SLC6A6: variants seen among roughly 807,000 people sequenced by gnomAD.
SLC6A6 encodes sodium- and chloride-dependent taurine transporter.
A neutral mutation model predicts 68.8 loss-of-function variants in SLC6A6; 16 were observed. The ratio of observed to expected loss-of-function variants is 0.23; its 90% CI spans 0.16 to 0.35. The LOEUF (loss-of-function observed/expected upper bound fraction) is 0.35. SLC6A6 is among the 10% of genes least tolerant of loss of function. The pLI is 1.00. For synonymous variants in SLC6A6, 312 were observed against 315.4 expected (o/e 0.99, Z 0.12); for missense variants, 474 against 802.8 (o/e 0.59, Z 4.95).
At chr3:14,478,973 G>T in intron 12 of SLC6A6, 112 bp from the exon 13 acceptor site, 2 of 700,794 alleles carry the variant, frequency 2.9e-6, no homozygotes, top group South Asian at 3.2e-5. Flanking sequence ...GTATATCCAT[G>T]GTGTGGAGAT....
At chr3:14,417,166 A>G (rs1699379544) in intron 2 of SLC6A6, among the ~76,000 whole-genome samples, 1 of 152,124 alleles carries the variant, frequency 6.6e-6, no homozygotes, top group Non-Finnish European at 1.5e-5. Context: ...GCCCCATCTC[A>G]GCAAAAATTA....
At chr3:14,415,179 T>C (rs973828858) in intron 1 of SLC6A6, among the ~76,000 whole-genome samples, 4 of 152,354 alleles carry the variant, frequency 2.6e-5, no homozygotes, top group African/African-American at 9.6e-5. Context: ...GAGCTTCATG[T>C]GCCCAGTGCA....
chr3:14,447,231 T>C (rs1700144036), intron 4 of SLC6A6, among the ~76,000 whole-genome samples: 1 of 150,690 alleles, frequency 6.6e-6, no homozygotes, highest in Non-Finnish European at 1.5e-5. Context: ...TATCCATCCA[T>C]CCATCCATCC....
intron 4 of SLC6A6, among the ~76,000 whole-genome samples, chr3:14,447,260 CCATCCAAA>C (rs1324363272): frequency 6.6e-5 from 10 of 152,040 alleles, no homozygotes; most frequent in Admixed American, 2.0e-4. Context: ...ATCCATCCAT[CCATCCAAA>C]CATCCAACCA....
Position 14,472,053 on chromosome 3 carries a change from G to T in SLC6A6, c.1097-152G>T. The T allele has an allele frequency of 1.6e-6, 1 of 614,118 alleles. No individual in the cohort carries two copies. Among genetic ancestry groups the T allele is most frequent in the Non-Finnish European group, 2.9e-6 (1 of 340,420 alleles). 38.0% of individuals were successfully genotyped at this position (614,118 alleles called of 1,614,324 possible). A position where few individuals can be genotyped will look rare whatever the true frequency, so the allele number is the denominator to read the frequency against. On this transcript the variant is annotated intron_variant, in intron 9 of 14. Transcript: ENST00000622186. This position sits in a 1 kb window ranked among gnomAD's most constrained non-coding sequence, Gnocchi z 4.5. The stretch of plus-strand genomic sequence containing the variant: ...CCCAGCGTGTCCCACCCAAAGGCGA[G>T]ACAGGCCTGGTCTCTTTCCCCAGGC...
chr3:14,477,907 G>A lies in SLC6A6; in HGVS notation c.1348-559G>A, dbSNP rs1034729709. ...AAGGGAACGGGAACGTCTAAGACGTGTCTAGCAAGAGGCAAGCCAGATGAG... is the reference window on the plus strand; with the variant it reads ...AAGGGAACGGGAACGTCTAAGACGTATCTAGCAAGAGGCAAGCCAGATGAG... On this transcript the variant is annotated intron_variant, in intron 11 of 14. Coordinates refer to ENST00000622186, the MANE Select transcript of SLC6A6 (RefSeq NM_003043.6). This position sits in a 1 kb window ranked among gnomAD's most constrained non-coding sequence, Gnocchi z 4.2. Among the ~76,000 whole-genome samples the A allele has an allele frequency of 2.0e-5, 3 of 152,148 alleles. No individual in the cohort carries two copies. The highest frequency in any genetic ancestry group is 4.4e-5 in the Non-Finnish European group (3 of 68,026).
intron 6 of SLC6A6, among the ~76,000 whole-genome samples, chr3:14,463,013 C>T (rs1030489417): frequency 3.9e-5 from 6 of 152,162 alleles, no homozygotes; most frequent in African/African-American, 1.2e-4. Context: ...GAAAGCAGGC[C>T]GGTTTTGTGC....
intron 1 of SLC6A6, among the ~76,000 whole-genome samples, chr3:14,408,028 A>G (rs1476219156): frequency 6.6e-6 from 1 of 151,818 alleles, no homozygotes; most frequent in Non-Finnish European, 1.5e-5. Flanking sequence ...GTTGATGGAC[A>G]TTTGGGTTGT....
intron 1 of SLC6A6, among the ~76,000 whole-genome samples, chr3:14,409,704 A>C (rs1266512962): frequency 6.6e-6 from 1 of 152,230 alleles, no homozygotes; most frequent in East Asian, 1.9e-4. Flanking sequence ...GGTTTATGCC[A>C]AGGCAGGCCA....
intron 9 of SLC6A6, among the ~76,000 whole-genome samples, chr3:14,470,213 T>A (rs1228138321): frequency 6.6e-6 from 1 of 152,168 alleles, no homozygotes; most frequent in Non-Finnish European, 1.5e-5. Context: ...ATTGTCAATC[T>A]CAGTTGTTTT....
At position 14,402,875 on chromosome 3, in the gene SLC6A6, G is replaced by A. The variant is rs925356498; in HGVS notation, c.-54+28G>A. On this transcript the variant is annotated intron_variant, in intron 1 of 14. Coordinates refer to ENST00000622186, the MANE Select transcript of SLC6A6 (RefSeq NM_003043.6). The surrounding 1 kb of genome is among the most constrained non-coding windows in gnomAD (Gnocchi z 4.8). Reference sequence around the variant, plus strand: ...ACCGGAGGGACCGGGAGCTGGGCGCGCAGCCGGCGCTGCCCGCCGTCTGCA... The same window carrying A: ...ACCGGAGGGACCGGGAGCTGGGCGCACAGCCGGCGCTGCCCGCCGTCTGCA... The A allele has an allele frequency of 4.8e-5, 19 of 392,984 alleles. No homozygotes were observed. Among genetic ancestry groups the A allele is most frequent in the African/African-American group, 3.5e-4 (17 of 48,432 alleles). The allele number at this position is 392,984 out of a possible 1,614,324, so 24.3% of individuals were successfully genotyped here. A position where few individuals can be genotyped will look rare whatever the true frequency, so the allele number is the denominator to read the frequency against.
At chr3:14,480,803 G>A (rs1408313506) in intron 13 of SLC6A6, among the ~76,000 whole-genome samples, 5 of 152,242 alleles carry the variant, frequency 3.3e-5, no homozygotes, top group Non-Finnish European at 7.3e-5. Flanking sequence ...CCCCGAGCCA[G>A]CCTTAGGTGC....
At chr3:14,440,755 C>G (rs530708447) in intron 2 of SLC6A6, among the ~76,000 whole-genome samples, 1 of 152,194 alleles carries the variant, frequency 6.6e-6, no homozygotes, top group South Asian at 2.1e-4. Flanking sequence ...ACAGGCGGGT[C>G]TTGCTGGAAT....
Position 14,472,106 on chromosome 3 carries a change from A to G in SLC6A6, c.1097-99A>G. On this transcript the variant is annotated intron_variant, in intron 9 of 14. Transcript: ENST00000622186. This position sits in a 1 kb window ranked among gnomAD's most constrained non-coding sequence, Gnocchi z 4.5. ...GAGTTCAGACCTGGCTCCCTGCTGT[A>G]TTTGGGTCTGAGTGTCTTTGTGTGA... is the stretch of plus-strand genomic sequence containing the variant. 1.4e-6 allele frequency: 1 copy of G among 724,288 alleles called. No individual in the cohort carries two copies. The highest frequency in any genetic ancestry group is 2.6e-5 in the East Asian group (1 of 38,992). The allele number at this position is 724,288 out of a possible 1,614,324, so 44.9% of individuals were successfully genotyped here.
At chr3:14,478,421 G>C in intron 11 of SLC6A6, 45 bp from the exon 12 acceptor site, 2 of 1,182,996 alleles carry the variant, frequency 1.7e-6, no homozygotes, top group Non-Finnish European at 2.5e-6. Context: ...AAAGAAATTG[G>C]AGACCAGGTA....
chr3:14,418,039 G>A (rs566741856), intron 2 of SLC6A6, among the ~76,000 whole-genome samples: 9 of 152,278 alleles, frequency 5.9e-5, no homozygotes, highest in South Asian at 2.1e-4. Context: ...TGTGGCCTGC[G>A]TGTGCATGTA....
intron 1 of SLC6A6, among the ~76,000 whole-genome samples, chr3:14,409,615 A>C (rs2124895390): frequency 6.6e-6 from 1 of 152,330 alleles, no homozygotes; most frequent in East Asian, 1.9e-4. Flanking sequence ...CCAAGAGGGC[A>C]GGGAGGAATA....
At chr3:14,448,934 G>T (rs1700193454) in intron 5 of SLC6A6, among the ~76,000 whole-genome samples, 1 of 152,278 alleles carries the variant, frequency 6.6e-6, no homozygotes, top group South Asian at 2.1e-4. Context: ...CTGAGATGAG[G>T]CCTTGAGTGA....
intron 6 of SLC6A6, among the ~76,000 whole-genome samples, chr3:14,463,995 G>A (rs1700556342): frequency 6.6e-6 from 1 of 152,174 alleles, no homozygotes; most frequent in Non-Finnish European, 1.5e-5. Context: ...CACCAGCAAG[G>A]GGTGGCAGAG....
Sources: gnomAD v4.1 joint callset for allele counts (sites outside exome capture counted in the v4.1 genomes callset) on GRCh38, gnomAD v4.1.1 for gene constraint, Gnocchi (gnomAD v3.1) non-coding constraint, MANE v1.5 for transcripts, NCBI Gene and HGNC (gene_info 2026-07-23, HGNC 2026-07-21) for gene names.